The following PRKG1 variants were observed in gnomAD, a reference collection of about 807,000 sequenced individuals.
PRKG1 encodes the protein cGMP-dependent protein kinase 1.
PRKG1 carries 35 observed loss-of-function variants against 88.1 expected under a neutral mutation model. The ratio of observed to expected loss-of-function variants is 0.40; its 90% CI spans 0.30 to 0.53. The LOEUF is 0.53. PRKG1 is among the 20% of genes least tolerant of loss of function. The probability of loss-of-function intolerance (pLI) is 0.59; values close to 1 mark genes in which losing one functional copy is unlikely to be tolerated. For missense variants in PRKG1, 540 were observed against 839.8 expected, an observed-to-expected ratio of 0.64 and a Z score of 4.41; for synonymous variants, 303 against 292.5, an observed-to-expected ratio of 1.04 and a Z score of -0.37.
At chr10:51,463,197 T>C (rs1280863533) in intron 2 of PRKG1, among the ~76,000 whole-genome samples, 1 of 151,984 alleles carries the variant, frequency 6.6e-6, no homozygotes, top group Non-Finnish European at 1.5e-5. Flanking sequence ...GAATGTCTTC[T>C]GTTTTTTTTT....
intron 3 of PRKG1, among the ~76,000 whole-genome samples, chr10:51,801,325 C>T (rs1011370311): frequency 2.0e-5 from 3 of 152,074 alleles, no homozygotes; most frequent in Admixed American, 6.6e-5. Context: ...TTGTTTCATA[C>T]AATTCTCATG....
Position 51,850,179 on chromosome 10 carries a change from T to TAC in PRKG1, c.698+45490_698+45491insCA, listed in dbSNP as rs202170024. Among the ~76,000 whole-genome samples, 13 of 152,326 alleles carry TAC rather than the reference T, an allele frequency of 8.5e-5. No homozygotes were observed. In the East Asian group the frequency reaches 2.5e-3, roughly 29 times the overall value. ...TGGCATAAATTTGACCACTTTCCAA[T>TAC]ATATATATTTTTTTGAGATGAAGTT... On this transcript the variant is annotated intron_variant, in intron 4 of 17. Transcript: ENST00000373980.
At chr10:51,159,064 G>A (rs1367013997) in intron 2 of PRKG1, among the ~76,000 whole-genome samples, 1 of 152,030 alleles carries the variant, frequency 6.6e-6, no homozygotes, top group African/African-American at 2.4e-5. Flanking sequence ...TATTCAGGGT[G>A]GACATGAATC....
chr10:51,424,298 T>C (rs113761646), intron 2 of PRKG1, among the ~76,000 whole-genome samples: 113 of 152,252 alleles, frequency 7.4e-4, no homozygotes, highest in African/African-American at 2.6e-3. Context: ...ATTAATGTTA[T>C]ATTTTTTCCA....
intron 9 of PRKG1, among the ~76,000 whole-genome samples, chr10:52,228,341 C>A (rs1011463363): frequency 1.3e-5 from 2 of 151,532 alleles, no homozygotes; most frequent in Non-Finnish European, 2.9e-5. Flanking sequence ...TAAGCCACTG[C>A]GTTGCTGGTC....
intron 2 of PRKG1, among the ~76,000 whole-genome samples, chr10:51,450,639 T>A (rs1839407933): frequency 6.6e-6 from 1 of 151,958 alleles, no homozygotes; most frequent in South Asian, 2.1e-4. Context: ...AGAATATATA[T>A]GGAAAATCTA....
chr10:51,753,220 T>C (rs541564899), intron 3 of PRKG1, among the ~76,000 whole-genome samples: 10 of 152,210 alleles, frequency 6.6e-5, no homozygotes, highest in African/African-American at 1.9e-4. Flanking sequence ...GAAGAAAATA[T>C]TTAGGAAGAA....
chr10:51,032,869 T>C (rs568984582), intron 1 of PRKG1, among the ~76,000 whole-genome samples: 1 of 152,256 alleles, frequency 6.6e-6, no homozygotes, highest in East Asian at 1.9e-4. Flanking sequence ...AAAATAAAAA[T>C]TGTGGGTATA....
intron 2 of PRKG1, among the ~76,000 whole-genome samples, chr10:51,277,553 G>A (rs969641930): frequency 2.0e-4 from 31 of 152,210 alleles, no homozygotes; most frequent in Non-Finnish European, 2.5e-4. Context: ...TACCTTGGAC[G>A]GTATGGCCAT....
chr10:51,547,043 G>T (rs1842458782), intron 3 of PRKG1, among the ~76,000 whole-genome samples: 2 of 49,860 alleles, frequency 4.0e-5, no homozygotes, highest in Non-Finnish European at 5.9e-5. Context: ...TAGATATGTA[G>T]GTGTTGGCCT....
intron 2 of PRKG1, among the ~76,000 whole-genome samples, chr10:51,421,028 T>A (rs191703660): frequency 6.6e-6 from 1 of 152,160 alleles, no homozygotes; most frequent in South Asian, 2.1e-4. Context: ...ACCTCCAGCA[T>A]TGGGGATTAC....
chr10:51,970,175 A>G (rs1843675221), intron 5 of PRKG1, among the ~76,000 whole-genome samples: 1 of 151,934 alleles, frequency 6.6e-6, no homozygotes, highest in African/African-American at 2.4e-5. Flanking sequence ...TTACATCAAC[A>G]TAGTGCAGTT....
At chr10:52,276,157 C>T (rs920712202) in intron 12 of PRKG1, among the ~76,000 whole-genome samples, 8 of 152,042 alleles carry the variant, frequency 5.3e-5, no homozygotes, top group African/African-American at 1.4e-4. Flanking sequence ...TCCCCTTTAC[C>T]GATTTGGATG....
chr10:51,384,502 G>T lies in PRKG1; in HGVS notation c.479-83221G>T, dbSNP rs534075917. The stretch of plus-strand genomic sequence containing the variant: ...GAACTTCTTGGAACTCAGTTTTCTT[G>T]TTTGTAAAATGTTTTTATAGGGCCA... On this transcript the variant is annotated intron_variant, in intron 2 of 17. Coordinates refer to ENST00000373980, the MANE Select transcript of PRKG1 (RefSeq NM_006258.4). 1.7e-3 allele frequency among the ~76,000 whole-genome samples: 251 copies of T among 152,116 alleles called. 2 individuals carry two copies. The highest frequency in any genetic ancestry group is 5.6e-3 in the African/African-American group (233 of 41,502).
At chr10:51,606,579 C>T (rs1030418773) in intron 3 of PRKG1, among the ~76,000 whole-genome samples, 14 of 151,928 alleles carry the variant, frequency 9.2e-5, no homozygotes, top group Admixed American at 2.6e-4. Flanking sequence ...AAATCAGAGG[C>T]TAGGGGAGTC....
At chr10:52,063,220 G>A (rs11000654) in intron 7 of PRKG1, among the ~76,000 whole-genome samples, 24,490 of 152,242 alleles carry the variant, frequency 0.16, 2,407 homozygotes, top group East Asian at 0.26. Flanking sequence ...GCACGTGAGC[G>A]AGTGTGGGGT....
intron 2 of PRKG1, among the ~76,000 whole-genome samples, chr10:51,288,536 T>G (rs1355951914): frequency 6.6e-6 from 1 of 152,198 alleles, no homozygotes; most frequent in Non-Finnish European, 1.5e-5. Context: ...TCATCAAATT[T>G]CTCATCATTT....
At position 51,392,994 on chromosome 10, in the gene PRKG1, C is replaced by G. The variant is rs549544807; in HGVS notation, c.479-74729C>G. On this transcript the variant is annotated intron_variant, in intron 2 of 17. Transcript: ENST00000373980. ...CCTCCCTCCCGGACAGGGTAGCTGC[C>G]GGGCAGAGACACTCCTCACTTCCCA... 1.2e-3 allele frequency among the ~76,000 whole-genome samples: 183 copies of G among 151,258 alleles called. 1 individual carries two copies. Among genetic ancestry groups the G allele is most frequent in the Admixed American group, 4.5e-3 (69 of 15,248 alleles).
intron 3 of PRKG1, among the ~76,000 whole-genome samples, chr10:51,742,193 T>C (rs1837452004): frequency 6.6e-6 from 1 of 152,190 alleles, no homozygotes; most frequent in African/African-American, 2.4e-5. Context: ...AGAAGGTGTA[T>C]TTTATTCAGC....
Sources: allele counts gnomAD v4.1 joint callset (sites outside exome capture counted in the v4.1 genomes callset), GRCh38; gene constraint gnomAD v4.1.1; transcripts MANE v1.5; gene names NCBI Gene and HGNC (gene_info 2026-07-23, HGNC 2026-07-21).